The following PRDM2 variants were observed in gnomAD, a reference collection of about 807,000 sequenced individuals.
PRDM2 encodes the protein PR/SET domain 2.
PRDM2 carries 30 observed loss-of-function variants against 130.0 expected under a neutral mutation model. The observed-to-expected ratio is 0.23, with a 90% CI of 0.17 to 0.31. The LOEUF (loss-of-function observed/expected upper bound fraction) is 0.31, where lower values mean the gene tolerates loss of function less well. PRDM2 is among the 10% of genes least tolerant of loss of function. PRDM2 has a pLI of 1.00. For missense variants in PRDM2, 2,011 were observed against 2,108.4 expected, an observed-to-expected ratio of 0.95 and a Z score of 0.90; for synonymous variants, 871 against 782.4, an observed-to-expected ratio of 1.11 and a Z score of -1.89.
chr1:13,773,125 G>A lies in PRDM2; in HGVS notation c.559G>A (p.Asp187Asn), dbSNP rs1223729883. 4 of 1,573,546 alleles carry A rather than the reference G, an allele frequency of 2.5e-6. No individual in the cohort carries two copies. Among genetic ancestry groups the A allele is most frequent in the Non-Finnish European group, 2.6e-6 (3 of 1,164,800 alleles). Residue 187 changes from aspartate (D) to asparagine (N), a missense_variant, in exon 7 of 10, where the codon GAC becomes AAC. Asp to Asn is a conservative substitution (Grantham distance 23). Transcript: ENST00000311066. The stretch of plus-strand genomic sequence containing the variant: ...TAAAAACAAAGGAAACAAAATCCAA[G>A]ACATACAACTGAAGACAAGTGAGCC... Reference protein sequence around the residue: ...ENKNKGNKIQDIQLKTSEPDF... With the variant: ...ENKNKGNKIQNIQLKTSEPDF...
Position 13,782,588 on chromosome 1 carries a change from A to G in PRDM2, c.4793A>G (p.Asn1598Ser), listed in dbSNP as rs1298800042. ...AAAAAACCTAAAGCTGTGGCCAAGA[A>G]TCATTCTGCTCAGCTTTCCAGCAAA... The part of the protein sequence containing the change: ...EGKKPKAVAK[N>S]HSAQLSSKTS... The change falls in exon 8 of 10, where the codon AAT (asparagine) becomes AGT (serine). Residue 1598 changes from asparagine to serine, a missense_variant. By Grantham distance (46) the Asn-to-Ser change is conservative. Transcript: ENST00000311066. 4 of 1,614,080 alleles carry G rather than the reference A, an allele frequency of 2.5e-6. No homozygotes were observed. Among genetic ancestry groups the G allele is most frequent in the Non-Finnish European group, 2.5e-6 (3 of 1,180,044 alleles).
chr1:13,736,646 C>T (rs1248594939), intron 4 of PRDM2, among the ~76,000 whole-genome samples: 4 of 151,798 alleles, frequency 2.6e-5, no homozygotes, highest in African/African-American at 9.7e-5. Flanking sequence ...AAGTTATATA[C>T]ATTTTAACTT....
Position 13,715,611 on chromosome 1 carries a change from T to C in PRDM2, c.6T>C (p.Asn2=), listed in dbSNP as rs755522735. 1.9e-6 allele frequency: 3 copies of C among 1,591,180 alleles called. No homozygotes were observed. Among genetic ancestry groups the C allele is most frequent in the Admixed American group, 3.6e-5 (2 of 56,014 alleles). The change falls in exon 2 of 10, where the codon AAT becomes AAC. Residue 2 remains asparagine, a synonymous_variant. Coordinates refer to ENST00000311066, the MANE Select transcript of PRDM2 (RefSeq NM_001393986.1). ...GAACACAACAGGAATTGAAAATGAA[T>C]CAGGTGAGTTTAAAAATCAGAATTT... The part of the protein sequence containing the change: M[N]QNTTEPVAAT...
chr1:13,715,579 C>T lies in PRDM2; in HGVS notation c.-27C>T. On this transcript the variant is annotated 5_prime_UTR_variant, in exon 2 of 10. Coordinates refer to ENST00000311066, the MANE Select transcript of PRDM2 (RefSeq NM_001393986.1). The stretch of plus-strand genomic sequence containing the variant: ...AAAGAAGTTTCTTTGTTGTGTGTAT[C>T]TTTACAGAACACAACAGGAATTGAA... 6.4e-7 allele frequency: 1 copy of T among 1,561,780 alleles called. No homozygotes were observed. Among genetic ancestry groups the T allele is most frequent in the Non-Finnish European group, 8.7e-7 (1 of 1,156,060 alleles).
chr1:13,723,590 G>A (rs1311991474), intron 2 of PRDM2, among the ~76,000 whole-genome samples: 1 of 152,188 alleles, frequency 6.6e-6, no homozygotes, highest in Non-Finnish European at 1.5e-5. Flanking sequence ...GATGCCATGT[G>A]CTTGGTGCCT....
rs1258286307 is a variant in PRDM2, at chr1:13,816,413, C to T, written c.5037-14C>T. On this transcript the variant is annotated splice_polypyrimidine_tract_variant and intron_variant, in intron 8 of 9. Transcript: ENST00000311066. Reference sequence around the variant, plus strand: ...GCTCCTGTGACAATGTGTGTTGTTCCTCTTCCTGCACAGCTACAGCCTCCG... The same window carrying T: ...GCTCCTGTGACAATGTGTGTTGTTCTTCTTCCTGCACAGCTACAGCCTCCG... 6.2e-7 allele frequency: 1 copy of T among 1,613,752 alleles called. No individual in the cohort carries two copies. Among genetic ancestry groups the T allele is most frequent in the Non-Finnish European group, 8.5e-7 (1 of 1,179,910 alleles).
chr1:13,744,424 T>TC (rs1458747402), intron 5 of PRDM2, among the ~76,000 whole-genome samples: 1 of 152,224 alleles, frequency 6.6e-6, no homozygotes, highest in African/African-American at 2.4e-5. Flanking sequence ...CTCCAGCACC[T>TC]AGTAAGTGCT....
At chr1:13,804,790 T>G (rs898653043) in intron 8 of PRDM2, among the ~76,000 whole-genome samples, 2 of 152,166 alleles carry the variant, frequency 1.3e-5, no homozygotes, top group African/African-American at 4.8e-5. Context: ...ACACCCGAGT[T>G]TGAGATTCTC....
intron 5 of PRDM2, among the ~76,000 whole-genome samples, chr1:13,745,694 T>C (rs1643581742): frequency 6.6e-6 from 1 of 152,110 alleles, no homozygotes; most frequent in Non-Finnish European, 1.5e-5. Context: ...AATGCTGGGA[T>C]TTACAGGCGT....
At chr1:13,729,224 A>T (rs555759575) in intron 2 of PRDM2, among the ~76,000 whole-genome samples, 1 of 152,164 alleles carries the variant, frequency 6.6e-6, no homozygotes, top group South Asian at 2.1e-4. Flanking sequence ...CGAAGTTGTC[A>T]TTAGAATTAC....
At chr1:13,724,096 T>G (rs182174778) in intron 2 of PRDM2, among the ~76,000 whole-genome samples, 67 of 152,282 alleles carry the variant, frequency 4.4e-4, no homozygotes, top group African/African-American at 1.3e-3. Context: ...GTTCTCTGGG[T>G]AGAGCCCAGG....
Position 13,781,871 on chromosome 1 carries a change from G to A in PRDM2, c.4076G>A (p.Ser1359Asn), listed in dbSNP as rs1644620512. ...HKHILACASASDKKRYTPKKN... is the reference protein window; with the variant it reads ...HKHILACASANDKKRYTPKKN... ...CATATCCTGGCTTGTGCTTCTGCAA[G>A]TGACAAGAAGAGGTACACGCCTAAG... The change falls in exon 8 of 10, where the codon AGT becomes AAT. Residue 1359 changes from serine to asparagine, a missense_variant. Coordinates refer to ENST00000311066, the MANE Select transcript of PRDM2 (RefSeq NM_001393986.1). This position sits in a 1 kb window ranked among gnomAD's most constrained non-coding sequence, Gnocchi z 6.1. 21 of 1,614,162 alleles carry A rather than the reference G, an allele frequency of 1.3e-5. No individual in the cohort carries two copies. The highest frequency in any genetic ancestry group is 1.8e-5 in the Non-Finnish European group (21 of 1,180,026).
rs58838331 is a variant in PRDM2 at position 13,808,463 on chromosome 1, C to CAA, written c.5037-7945_5037-7944dup. ...TGGGCGACAGAGTGAGACTCTGTCT[C>CAA]AAAAAAAAAAAAAAAAAAAACAGTT... On this transcript the variant is annotated intron_variant, in intron 8 of 9. Coordinates refer to ENST00000311066, the MANE Select transcript of PRDM2 (RefSeq NM_001393986.1). Among the ~76,000 whole-genome samples the CAA allele has an allele frequency of 1.7e-3, 99 of 58,774 alleles. 2 individuals are homozygous for CAA. Among genetic ancestry groups the CAA allele is most frequent in the South Asian group, 4.2e-3 (7 of 1,674 alleles). 38.6% of individuals were successfully genotyped at this position (58,774 alleles called of 152,430 possible).
chr1:13,791,633 A>G (rs570858152), intron 8 of PRDM2, among the ~76,000 whole-genome samples: 2 of 152,322 alleles, frequency 1.3e-5, no homozygotes, highest in African/African-American at 4.8e-5. Context: ...CCTTATTTTT[A>G]AAGTATAGGA....
intron 2 of PRDM2, among the ~76,000 whole-genome samples, chr1:13,720,264 A>G (rs1642680046): frequency 1.3e-5 from 2 of 152,266 alleles, no homozygotes. Context: ...ATGCAGCTTT[A>G]TGTAACAGCA....
rs970320746 is a variant in PRDM2 at position 13,782,565 on chromosome 1, A to G, written c.4770A>G (p.Lys1590=). Residue 1590 remains lysine, a synonymous_variant, in exon 8 of 10, where the codon AAA becomes AAG. Coordinates refer to ENST00000311066, the MANE Select transcript of PRDM2 (RefSeq NM_001393986.1). The part of the protein sequence containing the change: ...RMAKITHVEG[K]KPKAVAKNHS... ...CCAAAATAACTCATGTTGAGGGGAAAAAACCTAAAGCTGTGGCCAAGAATC... is the reference window on the plus strand; with the variant it reads ...CCAAAATAACTCATGTTGAGGGGAAGAAACCTAAAGCTGTGGCCAAGAATC... 9 of 1,614,108 alleles carry G rather than the reference A, an allele frequency of 5.6e-6. No individual in the cohort carries two copies. The African/African-American group carries it at 8.0e-5, about 14-fold the overall frequency.
At position 13,779,751 on chromosome 1, in the gene PRDM2, C is replaced by G. The variant is rs1176947387; in HGVS notation, c.1956C>G (p.Ala652=). ...ASPPALPKIK[A]ETDSDPMVPS... ...CACCTGCACTGCCCAAAATTAAGGC[C>G]GAAACAGACTCTGACCCCATGGTCC... The change falls in exon 8 of 10, where the codon GCC becomes GCG. Residue 652 remains alanine, a synonymous_variant. Coordinates refer to ENST00000311066, the MANE Select transcript of PRDM2 (RefSeq NM_001393986.1). This position sits in a 1 kb window ranked among gnomAD's most constrained non-coding sequence, Gnocchi z 4.9. The G allele has an allele frequency of 6.2e-6, 10 of 1,614,092 alleles. 1 individual carries two copies. The South Asian group carries it at 6.6e-5, about 11-fold the overall frequency.
intron 8 of PRDM2, among the ~76,000 whole-genome samples, chr1:13,804,628 T>C (rs1278977908): frequency 1.3e-5 from 2 of 152,114 alleles, no homozygotes; most frequent in African/African-American, 4.8e-5. Context: ...GGGGACCACA[T>C]TTTGAGTACA....
In PRDM2 at chr1:13,781,757, C is replaced by G. The variant is rs1357624090; in HGVS notation, c.3962C>G (p.Thr1321Ser). The part of the protein sequence containing the change: ...MGIGVTATNF[T>S]THNIPQTFTT... ...ATTGGTGTGACAGCCACAAATTTCACTACACACAATATTCCACAGACTTTC... is the reference window on the plus strand; with the variant it reads ...ATTGGTGTGACAGCCACAAATTTCAGTACACACAATATTCCACAGACTTTC... The change falls in exon 8 of 10, where the codon ACT becomes AGT. Residue 1321 changes from threonine (T) to serine (S), a missense_variant. Physicochemically the swap from Thr to Ser is moderately conservative, Grantham distance 58 (BLOSUM62 1). Transcript: ENST00000311066. This position sits in a 1 kb window ranked among gnomAD's most constrained non-coding sequence, Gnocchi z 6.1. The G allele has an allele frequency of 1.9e-6, 3 of 1,614,120 alleles. No homozygotes were observed. Among genetic ancestry groups the G allele is most frequent in the Non-Finnish European group, 2.5e-6 (3 of 1,180,054 alleles).
Sources: allele counts gnomAD v4.1 joint callset (sites outside exome capture counted in the v4.1 genomes callset), GRCh38; gene constraint gnomAD v4.1.1; non-coding constraint Gnocchi (gnomAD v3.1); transcripts MANE v1.5; gene names NCBI Gene and HGNC (gene_info 2026-07-23, HGNC 2026-07-21).